TMEM267: variants seen among roughly 807,000 people sequenced by gnomAD.
TMEM267 encodes transmembrane protein 267.
A neutral mutation model predicts 19.3 loss-of-function variants in TMEM267; 20 were observed. The ratio of observed to expected loss-of-function variants is 1.04; its 90% CI spans 0.73 to 1.51. The LOEUF (loss-of-function observed/expected upper bound fraction) is 1.51. TMEM267 is among the 40% of genes most tolerant of loss of function. TMEM267 has a pLI of 0.00. For synonymous variants in TMEM267, 88 were observed against 90.3 expected (o/e 0.97, Z 0.15); for missense variants, 242 against 261.9 (o/e 0.92, Z 0.52).
chr5:43,447,041 T>A (rs1006717512), intron 2 of TMEM267, among the ~76,000 whole-genome samples: 7 of 151,966 alleles, frequency 4.6e-5, no homozygotes, highest in Non-Finnish European at 1.0e-4. Context: ...TTTAGAAAAA[T>A]TATATTATTT....
At chr5:43,479,879 G>A in intron 1 of TMEM267, 1 of 442,596 alleles carries the variant, frequency 2.3e-6, no homozygotes, top group Non-Finnish European at 4.5e-6. Context: ...TACAAAAAAT[G>A]CAAAACATAC....
chr5:43,459,061 G>C (rs1743110173), intron 1 of TMEM267, among the ~76,000 whole-genome samples: 1 of 151,834 alleles, frequency 6.6e-6, no homozygotes, highest in Non-Finnish European at 1.5e-5. Flanking sequence ...CTAAATGTCA[G>C]AATACTGTGA....
At chr5:43,463,004 G>A (rs1743370632) in intron 1 of TMEM267, among the ~76,000 whole-genome samples, 1 of 152,060 alleles carries the variant, frequency 6.6e-6, no homozygotes, top group African/African-American at 2.4e-5. Context: ...CCAGGAGCTG[G>A]TTTTTTGAAA....
intron 2 of TMEM267, among the ~76,000 whole-genome samples, chr5:43,452,804 A>G (rs1459989781): frequency 1.3e-5 from 2 of 152,236 alleles, no homozygotes; most frequent in East Asian, 1.9e-4. Context: ...TACTTGACGC[A>G]TAATAGGAAA....
intron 1 of TMEM267, among the ~76,000 whole-genome samples, chr5:43,467,496 T>A (rs996157108): frequency 6.6e-6 from 1 of 152,188 alleles, no homozygotes; most frequent in Non-Finnish European, 1.5e-5. Flanking sequence ...AAGGTCACTG[T>A]ATAATGACAA....
At chr5:43,472,423 A>T (rs915467518) in intron 1 of TMEM267, among the ~76,000 whole-genome samples, 1 of 152,246 alleles carries the variant, frequency 6.6e-6, no homozygotes, top group Non-Finnish European at 1.5e-5. Flanking sequence ...CATATGATCC[A>T]GCAATCCCAC....
intron 1 of TMEM267, among the ~76,000 whole-genome samples, chr5:43,466,906 T>G (rs1743756268): frequency 6.6e-6 from 1 of 151,922 alleles, no homozygotes; most frequent in Non-Finnish European, 1.5e-5. Context: ...TTCAGCACTT[T>G]GGGAAAGCAA....
In TMEM267 at chr5:43,446,270, T is replaced by C; in HGVS notation, c.600A>G (p.Gly200=). 1 of 1,613,822 alleles carries C rather than the reference T, an allele frequency of 6.2e-7. No individual in the cohort carries two copies. Among genetic ancestry groups the C allele is most frequent in the Non-Finnish European group, 8.5e-7 (1 of 1,179,706 alleles). The change falls in exon 3 of 3, where the codon GGA becomes GGG. Residue 200 remains glycine, a synonymous_variant. Transcript: ENST00000397080. The part of the protein sequence containing the change: ...HICSFVMYLT[G]TRQMMSSKHG... ...GTTTTGAAGACATCATTTGTCTGGT[T>C]CCTGTTAAATACATAACGAATGAAC...
At chr5:43,472,580 T>G (rs1351144101) in intron 1 of TMEM267, among the ~76,000 whole-genome samples, 1 of 152,156 alleles carries the variant, frequency 6.6e-6, no homozygotes, top group Admixed American at 6.5e-5. Context: ...GAAAATATGG[T>G]GCATATTCAC....
intron 1 of TMEM267, among the ~76,000 whole-genome samples, chr5:43,483,036 T>A (rs996651700): frequency 1.3e-5 from 2 of 152,202 alleles, no homozygotes; most frequent in African/African-American, 2.4e-5. Flanking sequence ...GAAACCGCCT[T>A]TATTATGCTT....
intron 1 of TMEM267, among the ~76,000 whole-genome samples, chr5:43,470,322 T>C (rs748520302): frequency 4.2e-4 from 64 of 152,166 alleles, no homozygotes; most frequent in Non-Finnish European, 5.6e-4. Context: ...TTTGTATTTT[T>C]AGTAGAGATG....
At chr5:43,465,332 T>G (rs1743585062) in intron 1 of TMEM267, among the ~76,000 whole-genome samples, 1 of 152,166 alleles carries the variant, frequency 6.6e-6, no homozygotes, top group Non-Finnish European at 1.5e-5. Context: ...GATGTGGATG[T>G]GGAGAAATAG....
intron 1 of TMEM267, among the ~76,000 whole-genome samples, chr5:43,467,954 G>T (rs1461265752): frequency 6.6e-6 from 1 of 152,122 alleles, no homozygotes; most frequent in Non-Finnish European, 1.5e-5. Context: ...TGGAACTGAT[G>T]TACTTCTTAT....
chr5:43,448,718 G>GTGA (rs1742398520), intron 2 of TMEM267, among the ~76,000 whole-genome samples: 2 of 151,946 alleles, frequency 1.3e-5, no homozygotes, highest in Non-Finnish European at 2.9e-5. Context: ...GGAGGTTGAG[G>GTGA]TGAGCTGAGA....
Position 43,467,215 on chromosome 5 carries a change from G to A in TMEM267, c.-74-13172C>T, listed in dbSNP as rs558326401. Among the ~76,000 whole-genome samples the A allele has an allele frequency of 3.3e-5, 5 of 150,590 alleles. No individual in the cohort carries two copies. In the East Asian group the frequency reaches 7.8e-4, roughly 23 times the overall value. ...ACAACCAAAAAATAAATAACAAAAT[G>A]GAAAGAGTAAGTCCTTACTTATTAA... On this transcript the variant is annotated intron_variant, in intron 1 of 2. Transcript: ENST00000397080.
upstream of TMEM267, chr5:43,484,266 G>C (rs1222832106): frequency 3.3e-5 from 5 of 152,236 alleles, no homozygotes; most frequent in Non-Finnish European, 5.9e-5. Context: ...ACTACCAGAA[G>C]CTTGAGCTGG....
chr5:43,472,637 G>A (rs1312294056), intron 1 of TMEM267, among the ~76,000 whole-genome samples: 1 of 152,156 alleles, frequency 6.6e-6, no homozygotes, highest in Non-Finnish European at 1.5e-5. Context: ...CCAGTTATTT[G>A]CAACAACATG....
chr5:43,473,335 A>G (rs1014157175), intron 1 of TMEM267, among the ~76,000 whole-genome samples: 4 of 152,124 alleles, frequency 2.6e-5, no homozygotes, highest in Non-Finnish European at 5.9e-5. Flanking sequence ...TGCAGATGAC[A>G]TGATTGTATA....
In TMEM267 at chr5:43,453,790, A is replaced by T; in HGVS notation, c.180T>A (p.Ile60=). ...TGACTACCGCCCATGACCACATGCC[A>T]ATTACACAATGTACTGCATTATCTG... ...ALSDNAVHCV[I]GMWSWAVVTG... Residue 60 remains isoleucine, a synonymous_variant, in exon 2 of 3, where the codon ATT becomes ATA. Coordinates refer to ENST00000397080, the MANE Select transcript of TMEM267 (RefSeq NM_022483.5). 6.2e-7 allele frequency: 1 copy of T among 1,614,150 alleles called. No homozygotes were observed. Among genetic ancestry groups the T allele is most frequent in the East Asian group, 2.2e-5 (1 of 44,882 alleles).
Sources: gnomAD v4.1 joint callset for allele counts (sites outside exome capture counted in the v4.1 genomes callset) on GRCh38, gnomAD v4.1.1 for gene constraint, MANE v1.5 for transcripts, NCBI Gene and HGNC (gene_info 2026-07-23, HGNC 2026-07-21) for gene names.